Variants in CNTN6 observed in about 807,000 individuals in gnomAD.
CNTN6 encodes the protein contactin-6.
A neutral mutation model predicts 122.8 loss-of-function variants in CNTN6; 137 were observed. The ratio of observed to expected loss-of-function variants is 1.12; its 90% CI spans 0.97 to 1.29. The LOEUF (loss-of-function observed/expected upper bound fraction) is 1.29, where lower values mean the gene tolerates loss of function less well. Ranked by LOEUF, CNTN6 falls within the 50% of genes most tolerant of loss-of-function variation. The probability of loss-of-function intolerance (pLI) is 0.00; values close to 1 mark genes in which losing one functional copy is unlikely to be tolerated. For synonymous variants in CNTN6, 570 were observed against 426.0 expected, an observed-to-expected ratio of 1.34 and a Z score of -4.16; for missense variants, 1,634 against 1,223.4, an observed-to-expected ratio of 1.34 and a Z score of -5.01.
At chr3:1,318,598 T>G (rs1247261262) in intron 7 of CNTN6, among the ~76,000 whole-genome samples, 5 of 151,724 alleles carry the variant, frequency 3.3e-5, no homozygotes, top group African/African-American at 7.3e-5. Flanking sequence ...AGGGAAGAGA[T>G]AGTAGCCAAG....
intron 20 of CNTN6, among the ~76,000 whole-genome samples, chr3:1,395,702 C>T (rs1694901897): frequency 6.6e-6 from 1 of 152,182 alleles, no homozygotes; most frequent in Admixed American, 6.5e-5. Flanking sequence ...AATGTGTCCA[C>T]AGGTACTGGA....
chr3:1,338,413 C>T (rs576944729), intron 11 of CNTN6, among the ~76,000 whole-genome samples: 1 of 152,194 alleles, frequency 6.6e-6, no homozygotes, highest in South Asian at 2.1e-4. Flanking sequence ...TAAGTTCACT[C>T]CCTCTGCCTT....
chr3:1,345,771 A>T (rs1174924687), intron 11 of CNTN6, among the ~76,000 whole-genome samples: 1 of 152,124 alleles, frequency 6.6e-6, no homozygotes, highest in Non-Finnish European at 1.5e-5. Flanking sequence ...ATTTATACCC[A>T]CATTTCTATT....
intron 4 of CNTN6, among the ~76,000 whole-genome samples, chr3:1,271,013 G>A (rs1299870047): frequency 1.3e-5 from 2 of 152,110 alleles, no homozygotes; most frequent in Non-Finnish European, 2.9e-5. Flanking sequence ...GAATAGCTGG[G>A]ACCACAGGTA....
chr3:1,392,987 A>AAGTC (rs1381016211), intron 20 of CNTN6, among the ~76,000 whole-genome samples: 2 of 85,174 alleles, frequency 2.3e-5, no homozygotes, highest in Non-Finnish European at 4.8e-5. Flanking sequence ...ACCATTGTGG[A>AAGTC]AGTCAGTGTG....
intron 2 of CNTN6, among the ~76,000 whole-genome samples, chr3:1,189,460 A>G (rs1274475537): frequency 1.3e-5 from 2 of 152,228 alleles, no homozygotes; most frequent in African/African-American, 4.8e-5. Context: ...GAAGTTGATA[A>G]CGCAATTATA....
At chr3:1,359,697 T>TA (rs1244023394) in intron 12 of CNTN6, among the ~76,000 whole-genome samples, 19 of 152,214 alleles carry the variant, frequency 1.2e-4, no homozygotes, top group African/African-American at 3.9e-4. Flanking sequence ...ATTTTAGACT[T>TA]ACGGATTGTA....
chr3:1,335,769 C>T lies in CNTN6; in HGVS notation c.1364+5834C>T, dbSNP rs1018580321. Among the ~76,000 whole-genome samples the T allele has an allele frequency of 7.9e-5, 12 of 152,230 alleles. No individual in the cohort carries two copies. The East Asian group carries it at 2.3e-3, about 30-fold the overall frequency. ...TCTGGTTGGGTGCAGTGGCTCATGC[C>T]TGTAATCCCAGCACTTTGGGAGGCC... On this transcript the variant is annotated intron_variant, in intron 11 of 22. Transcript: ENST00000446702.
chr3:1,349,690 A>G (rs17038074), intron 11 of CNTN6, among the ~76,000 whole-genome samples: 2,507 of 151,924 alleles, frequency 0.017, 74 homozygotes, highest in African/African-American at 0.057. Flanking sequence ...CATTTCTGCT[A>G]AGACGTGTTT....
At chr3:1,194,253 T>A (rs1223018147) in intron 2 of CNTN6, among the ~76,000 whole-genome samples, 3 of 152,120 alleles carry the variant, frequency 2.0e-5, no homozygotes, top group Non-Finnish European at 4.4e-5. Context: ...TATAACATTA[T>A]TGATATTTTT....
At chr3:1,394,263 A>C in intron 20 of CNTN6, 1 of 226,234 alleles carries the variant, frequency 4.4e-6, no homozygotes, top group South Asian at 5.1e-5. Context: ...CAAGACAGCC[A>C]GGAATCAGAG....
intron 16 of CNTN6, 62 bp from the exon 17 acceptor site, chr3:1,376,943 T>G (rs1348262560): frequency 2.6e-6 from 3 of 1,145,054 alleles, no homozygotes; most frequent in Non-Finnish European, 3.9e-6. Context: ...AAAAACAAAA[T>G]TCTTCCTGAT....
At chr3:1,163,539 G>A (rs994660251) in intron 2 of CNTN6, among the ~76,000 whole-genome samples, 10 of 152,238 alleles carry the variant, frequency 6.6e-5, no homozygotes, top group African/African-American at 2.2e-4. Context: ...AGCCTCCCAA[G>A]TAGCTGGGAC....
rs950877615 is a variant in CNTN6 at position 1,261,187 on chromosome 3, C to T, written c.359-17226C>T. ...TAATAAATTTGGCAGATGAGACTTC[C>T]TTTAAATGTCTACAGCACAATCTCT... On this transcript the variant is annotated intron_variant, in intron 4 of 22. Transcript: ENST00000446702. Among the ~76,000 whole-genome samples the T allele has an allele frequency of 5.3e-5, 8 of 152,110 alleles. 1 individual carries two copies. The South Asian group carries it at 6.2e-4, about 12-fold the overall frequency.
At chr3:1,197,907 T>C (rs1559495660) in intron 2 of CNTN6, among the ~76,000 whole-genome samples, 1 of 152,182 alleles carries the variant, frequency 6.6e-6, no homozygotes, top group Non-Finnish European at 1.5e-5. Context: ...CTATCCCCCC[T>C]AACTCATGCA....
rs778920838 is a variant in CNTN6 at position 1,383,085 on chromosome 3, A to G, written c.2310A>G (p.Pro770=). Reference sequence around the variant, plus strand: ...TCTACAGAAATGAAAGCATCATCCCACTGTCTCCCTTTGAAGTCAAAGTGG... The same window carrying G: ...TCTACAGAAATGAAAGCATCATCCCGCTGTCTCCCTTTGAAGTCAAAGTGG... The part of the protein sequence containing the change: ...RFVYRNESII[P]LSPFEVKVGV... Residue 770 remains proline (P), a synonymous_variant, in exon 18 of 23, where the codon CCA becomes CCG. Transcript: ENST00000446702. 97 of 1,613,920 alleles carry G rather than the reference A, an allele frequency of 6.0e-5. No homozygotes were observed. The highest frequency in any genetic ancestry group is 7.7e-5 in the Non-Finnish European group (91 of 1,179,928).
chr3:1,100,359 C>G (rs553402087), intron 1 of CNTN6, among the ~76,000 whole-genome samples: 1 of 152,226 alleles, frequency 6.6e-6, no homozygotes, highest in South Asian at 2.1e-4. Context: ...TAATTTTGCT[C>G]ATGAGGGGAC....
chr3:1,300,512 A>G (rs1477519653), intron 7 of CNTN6, among the ~76,000 whole-genome samples: 12 of 137,462 alleles, frequency 8.7e-5, no homozygotes, highest in South Asian at 2.4e-4. Context: ...AGAAAGAGAA[A>G]GAAAGAAAGA....
chr3:1,329,728 G>C (rs1702024140), intron 10 of CNTN6, 57 bp from the exon 11 acceptor site: 1 of 1,446,234 alleles, frequency 6.9e-7, no homozygotes, highest in Non-Finnish European at 9.5e-7. Flanking sequence ...GTCACCCCTG[G>C]AGTCACTACA....
Sources: allele counts gnomAD v4.1 joint callset (sites outside exome capture counted in the v4.1 genomes callset), GRCh38; gene constraint gnomAD v4.1.1; transcripts MANE v1.5; gene names NCBI Gene and HGNC (gene_info 2026-07-23, HGNC 2026-07-21).